ATRNL1: variants seen among roughly 807,000 people sequenced by gnomAD.
The protein encoded by ATRNL1 is attractin-like protein 1.
A neutral mutation model predicts 182.7 loss-of-function variants in ATRNL1; 95 were observed. The observed-to-expected ratio is 0.52, with a 90% CI of 0.44 to 0.62. The LOEUF is 0.62. Among genes scored for constraint, ATRNL1 ranks in the 20% least tolerant of loss-of-function variants. ATRNL1 has a pLI of 0.00. For missense variants in ATRNL1, 1,471 were observed against 1,679.5 expected (o/e 0.88, Z 2.17); for synonymous variants, 576 against 568.3 (o/e 1.01, Z -0.19).
chr10:115,431,674 C>T (rs1846173817), intron 21 of ATRNL1, among the ~76,000 whole-genome samples: 1 of 151,984 alleles, frequency 6.6e-6, no homozygotes, highest in African/African-American at 2.4e-5. Flanking sequence ...CACTAATGAA[C>T]TTATAGATCC....
intron 15 of ATRNL1, among the ~76,000 whole-genome samples, chr10:115,288,527 T>A (rs1288902798): frequency 2.0e-5 from 3 of 151,628 alleles, no homozygotes; most frequent in South Asian, 2.1e-4. Flanking sequence ...TCTTTTTTTT[T>A]TTTTTATTTT....
intron 28 of ATRNL1, among the ~76,000 whole-genome samples, chr10:115,895,146 A>G (rs1952174735): frequency 6.6e-6 from 1 of 152,208 alleles, no homozygotes; most frequent in Non-Finnish European, 1.5e-5. Context: ...TCCAAAGACC[A>G]TTTCTAAAAG....
At chr10:115,493,959 G>GTTA in intron 24 of ATRNL1, among the ~76,000 whole-genome samples, 1 of 152,124 alleles carries the variant, frequency 6.6e-6, no homozygotes, top group South Asian at 2.1e-4. Context: ...TTTTAATGGG[G>GTTA]TTATGTTTTT....
intron 26 of ATRNL1, among the ~76,000 whole-genome samples, chr10:115,693,754 T>G (rs2133978383): frequency 6.6e-6 from 1 of 152,194 alleles, no homozygotes; most frequent in East Asian, 1.9e-4. Flanking sequence ...TGTATCTAAA[T>G]ATAAAAATTA....
intron 27 of ATRNL1, among the ~76,000 whole-genome samples, chr10:115,776,391 T>C (rs1555077941): frequency 6.6e-6 from 1 of 152,214 alleles, no homozygotes; most frequent in Admixed American, 6.5e-5. Flanking sequence ...GTACAGTTGC[T>C]AGATAATCTT....
intron 26 of ATRNL1, among the ~76,000 whole-genome samples, chr10:115,633,872 G>T (rs1187024753): frequency 6.6e-6 from 1 of 152,052 alleles, no homozygotes; most frequent in Non-Finnish European, 1.5e-5. Flanking sequence ...TCCATTGATA[G>T]ACATATTAGC....
chr10:115,587,605 G>C (rs1289402878), intron 26 of ATRNL1, among the ~76,000 whole-genome samples: 18 of 112,872 alleles, frequency 1.6e-4, no homozygotes, highest in African/African-American at 4.3e-4. Flanking sequence ...GCAATGCCTC[G>C]CCCGCTTCGG....
chr10:115,918,882 T>G (rs1167323589), intron 28 of ATRNL1, among the ~76,000 whole-genome samples: 2 of 152,222 alleles, frequency 1.3e-5, no homozygotes, highest in African/African-American at 4.8e-5. Context: ...TTAATACCGC[T>G]GATCTGCAGT....
chr10:115,755,358 T>C (rs1026717042), intron 27 of ATRNL1, among the ~76,000 whole-genome samples: 3 of 152,162 alleles, frequency 2.0e-5, no homozygotes, highest in Non-Finnish European at 4.4e-5. Flanking sequence ...ATAACTAGTT[T>C]ATTGAGAGTT....
intron 24 of ATRNL1, among the ~76,000 whole-genome samples, chr10:115,511,447 T>C (rs970905502): frequency 1.4e-4 from 22 of 151,940 alleles, no homozygotes; most frequent in Admixed American, 4.6e-4. Flanking sequence ...CAAGACCCTC[T>C]CTTTCCCTTC....
At chr10:115,339,784 T>G (rs540571638) in intron 19 of ATRNL1, among the ~76,000 whole-genome samples, 4 of 152,252 alleles carry the variant, frequency 2.6e-5, no homozygotes, top group African/African-American at 9.6e-5. Flanking sequence ...TGTTCCAGAT[T>G]TTAGAAGAAA....
chr10:115,572,272 G>A (rs1854440745), intron 26 of ATRNL1, among the ~76,000 whole-genome samples: 1 of 152,136 alleles, frequency 6.6e-6, no homozygotes, highest in Non-Finnish European at 1.5e-5. Context: ...AGGGGAACAA[G>A]GGAAGAGGTA....
chr10:115,531,791 G>C (rs1675796618), intron 25 of ATRNL1, among the ~76,000 whole-genome samples: 1 of 148,744 alleles, frequency 6.7e-6, no homozygotes, highest in African/African-American at 2.4e-5. Context: ...AATCCATCTT[G>C]AATTAATTTT....
chr10:115,767,151 T>C (rs1948876458), intron 27 of ATRNL1, among the ~76,000 whole-genome samples: 1 of 152,130 alleles, frequency 6.6e-6, no homozygotes, highest in Non-Finnish European at 1.5e-5. Flanking sequence ...CCTCAAACTG[T>C]TCTCACTCAT....
rs1406849972 is a variant in ATRNL1, at chr10:115,946,893, T to C, written c.*2114T>C. The C allele has an allele frequency of 6.6e-6, 1 of 152,200 alleles. No homozygotes were observed. Among genetic ancestry groups the C allele is most frequent in the Non-Finnish European group, 1.5e-5 (1 of 68,022 alleles). The allele number at this position is 152,200 out of a possible 1,614,324, so 9.4% of individuals were successfully genotyped here. A position where few individuals can be genotyped will look rare whatever the true frequency, so the allele number is the denominator to read the frequency against. ...ATACAAAAACATACAGATTTAGATG[T>C]AAAATCTATATAAGCTATATTTTTA... On this transcript the variant is annotated 3_prime_UTR_variant, in exon 29 of 29. Coordinates refer to ENST00000355044, the MANE Select transcript of ATRNL1 (RefSeq NM_207303.4).
At chr10:115,704,921 C>T (rs551706667) in intron 26 of ATRNL1, among the ~76,000 whole-genome samples, 5 of 151,826 alleles carry the variant, frequency 3.3e-5, no homozygotes, top group Admixed American at 6.6e-5. Context: ...TCTCTTTCTT[C>T]TCCTAGTTAA....
intron 27 of ATRNL1, among the ~76,000 whole-genome samples, chr10:115,752,230 T>C (rs1444023521): frequency 6.6e-6 from 1 of 152,026 alleles, no homozygotes; most frequent in African/African-American, 2.4e-5. Flanking sequence ...GGGAATCAGA[T>C]GATATATAAT....
intron 27 of ATRNL1, among the ~76,000 whole-genome samples, chr10:115,745,270 A>ATACT (rs1484940631): frequency 5.9e-5 from 9 of 152,060 alleles, no homozygotes; most frequent in Non-Finnish European, 1.3e-4. Flanking sequence ...ACTTAGCACA[A>ATACT]TACTTTCAAT....
chr10:115,426,011 G>A (rs1177968243), intron 20 of ATRNL1, among the ~76,000 whole-genome samples: 1 of 151,844 alleles, frequency 6.6e-6, no homozygotes, highest in Non-Finnish European at 1.5e-5. Context: ...TGCCTATCAT[G>A]TATGTTTATT....
Sources: allele counts gnomAD v4.1 joint callset (sites outside exome capture counted in the v4.1 genomes callset), GRCh38; gene constraint gnomAD v4.1.1; transcripts MANE v1.5; gene names NCBI Gene and HGNC (gene_info 2026-07-23, HGNC 2026-07-21).